SRFBP1: variants seen among roughly 807,000 people sequenced by gnomAD.
SRFBP1 encodes the protein serum response factor binding protein 1.
SRFBP1 carries 47 observed loss-of-function variants against 45.5 expected under a neutral mutation model. The ratio of observed to expected loss-of-function variants is 1.03; its 90% CI spans 0.82 to 1.32. The LOEUF (loss-of-function observed/expected upper bound fraction) is 1.32, where lower values mean the gene tolerates loss of function less well. Ranked by LOEUF, SRFBP1 falls within the 40% of genes most tolerant of loss-of-function variation. The pLI, the probability that SRFBP1 is intolerant of heterozygous loss-of-function variation, is 0.00. For synonymous variants in SRFBP1, 203 were observed against 166.3 expected (o/e 1.22, Z -1.70); for missense variants, 621 against 484.6 (o/e 1.28, Z -2.64).
chr5:122,030,306 G>T (rs564248817), downstream of SRFBP1, among the ~76,000 whole-genome samples: 1 of 152,170 alleles, frequency 6.6e-6, no homozygotes, highest in South Asian at 2.1e-4. Flanking sequence ...TAAGAACAGG[G>T]ATCTTTGTGA....
chr5:121,964,516 C>T (rs947447435), intron 1 of SRFBP1, among the ~76,000 whole-genome samples: 2 of 152,272 alleles, frequency 1.3e-5, no homozygotes, highest in Middle Eastern at 3.4e-3. Context: ...CTGCAAAGGA[C>T]ATGAACTCAT....
intron 2 of SRFBP1, among the ~76,000 whole-genome samples, chr5:122,036,277 CTG>C (rs1258449351): frequency 3.3e-5 from 5 of 152,126 alleles, no homozygotes; most frequent in African/African-American, 1.2e-4. Context: ...CTCTGGGAGA[CTG>C]GAGTCTGAAT....
intron 1 of SRFBP1, among the ~76,000 whole-genome samples, chr5:121,965,333 T>C (rs2112809387): frequency 6.6e-6 from 1 of 152,358 alleles, no homozygotes; most frequent in Admixed American, 6.5e-5. Context: ...GTCTGACGTT[T>C]AAGTCTTTAA....
At position 122,052,418 on chromosome 5, in the gene SRFBP1, A is replaced by G. The variant is rs146535223; in HGVS notation, n.312-22897A>G. On this transcript the variant is annotated intron_variant and non_coding_transcript_variant, in intron 2 of 2. Transcript: ENST00000504881. ...AGATTATGTGTCTTTACAAAATCCT[A>G]TATTTCTTGGAGGTTTTGCTTTTTA... is the stretch of plus-strand genomic sequence containing the variant. Among the ~76,000 whole-genome samples, 202 of 152,022 alleles carry G rather than the reference A, an allele frequency of 1.3e-3. 3 individuals carry two copies. In the East Asian group the frequency reaches 0.03, roughly 23 times the overall value.
chr5:121,984,823 A>G (rs181188273), intron 3 of SRFBP1, among the ~76,000 whole-genome samples: 39 of 151,942 alleles, frequency 2.6e-4, no homozygotes, highest in Non-Finnish European at 5.0e-4. Context: ...TATACCACAC[A>G]ATCCATTATC....
downstream of SRFBP1, chr5:122,077,790 G>A (rs1248614276): frequency 1.9e-6 from 3 of 1,549,896 alleles, no homozygotes; most frequent in Non-Finnish European, 2.6e-6. This position sits in a 1 kb window ranked among gnomAD's most constrained non-coding sequence, Gnocchi z 4.9. Flanking sequence ...CGGCGCTGAG[G>A]CTGGTACTGT....
chr5:122,023,606 A>C (rs1037660335), intron 7 of SRFBP1, among the ~76,000 whole-genome samples: 2 of 152,194 alleles, frequency 1.3e-5, no homozygotes, highest in Non-Finnish European at 2.9e-5. Context: ...TTCTTTATCC[A>C]TTGTTCTTCA....
chr5:122,042,876 G>T (rs1181575360), intron 2 of SRFBP1, among the ~76,000 whole-genome samples: 1 of 152,080 alleles, frequency 6.6e-6, no homozygotes, highest in African/African-American at 2.4e-5. Context: ...AAATCTAAAT[G>T]AATCTCATTC....
At position 122,070,099 on chromosome 5, in the gene SRFBP1, G is replaced by A. The variant is rs750792682; in HGVS notation, n.312-5216G>A. The A allele has an allele frequency of 1.2e-6, 2 of 1,613,254 alleles. No individual in the cohort carries two copies. On this transcript the variant is annotated intron_variant and non_coding_transcript_variant, in intron 2 of 2. Transcript: ENST00000504881. ...GCATACGCATGATGTCCTGTGTAGC[G>A]AATGTCACAGCGCACAACATTGTTG...
intron 2 of SRFBP1, among the ~76,000 whole-genome samples, chr5:122,044,368 A>G (rs975585592): frequency 2.0e-5 from 3 of 152,188 alleles, no homozygotes; most frequent in Non-Finnish European, 2.9e-5. Context: ...TATATACCCA[A>G]TAATGAGATT....
chr5:122,037,003 A>G (rs973482040), intron 2 of SRFBP1, among the ~76,000 whole-genome samples: 2 of 151,656 alleles, frequency 1.3e-5, no homozygotes, highest in African/African-American at 2.4e-5. Context: ...GGTTCAAGCA[A>G]TTCTCCTGCC....
chr5:121,996,846 CA>C (rs1355627131), intron 4 of SRFBP1, among the ~76,000 whole-genome samples: 1 of 145,914 alleles, frequency 6.9e-6, no homozygotes, highest in Non-Finnish European at 1.5e-5. Flanking sequence ...GTACAAAAAT[CA>C]CAAGCATTCT....
At chr5:122,070,481 C>A in intron 2 of SRFBP1, 1 of 1,436,278 alleles carries the variant, frequency 7.0e-7, no homozygotes, top group Admixed American at 1.8e-5. Context: ...GATATATTTT[C>A]AAAGGTCTTT....
chr5:122,071,985 C>T (rs1357886583), intron 2 of SRFBP1, among the ~76,000 whole-genome samples: 1 of 152,176 alleles, frequency 6.6e-6, no homozygotes, highest in Non-Finnish European at 1.5e-5. Context: ...CCATACATCA[C>T]TTAACAGTAT....
chr5:122,075,447 G>C, exon 3 of SRFBP1: 3 of 1,613,812 alleles, frequency 1.9e-6, no homozygotes, highest in Non-Finnish European at 2.5e-6. Context: ...GGTCGGCTGG[G>C]TAAGAAATCT....
intron 1 of SRFBP1, among the ~76,000 whole-genome samples, chr5:121,967,342 G>C (rs185073913): frequency 1.7e-4 from 26 of 152,206 alleles, no homozygotes; most frequent in African/African-American, 5.1e-4. Context: ...GGGCATTTCC[G>C]TAAGAACCAA....
At chr5:121,995,966 G>T (rs1358515361) in intron 4 of SRFBP1, among the ~76,000 whole-genome samples, 1 of 152,142 alleles carries the variant, frequency 6.6e-6, no homozygotes, top group African/African-American at 2.4e-5. Flanking sequence ...AAACCAGGAA[G>T]AAGTTGAATC....
intron 1 of SRFBP1, among the ~76,000 whole-genome samples, chr5:121,968,421 A>G (rs1028022723): frequency 1.3e-5 from 2 of 152,098 alleles, no homozygotes; most frequent in Non-Finnish European, 2.9e-5. Context: ...ATTTTGGCTA[A>G]CCGCAGGTAA....
At chr5:122,054,966 G>A (rs1196028280) in intron 2 of SRFBP1, among the ~76,000 whole-genome samples, 1 of 152,174 alleles carries the variant, frequency 6.6e-6, no homozygotes, top group Admixed American at 6.5e-5. Context: ...ACTTATTGAA[G>A]ATCACACAGC....
Sources: gnomAD v4.1 joint callset for allele counts (sites outside exome capture counted in the v4.1 genomes callset) on GRCh38, gnomAD v4.1.1 for gene constraint, Gnocchi (gnomAD v3.1) non-coding constraint, MANE v1.5 for transcripts, NCBI Gene and HGNC (gene_info 2026-07-23, HGNC 2026-07-21) for gene names.